The following PPM1E variants were observed in gnomAD, a reference collection of about 807,000 sequenced individuals.
The protein encoded by PPM1E is protein phosphatase 1E.
PPM1E carries 20 observed loss-of-function variants against 65.9 expected under a neutral mutation model. That is an observed-to-expected ratio of 0.30 (90% CI 0.21 to 0.44). PPM1E has a LOEUF of 0.44. Ranked by LOEUF, PPM1E falls within the 20% of genes least tolerant of loss-of-function variation. The pLI, the probability that PPM1E is intolerant of heterozygous loss-of-function variation, is 1.00. For missense variants in PPM1E, 713 were observed against 953.1 expected, an observed-to-expected ratio of 0.75 and a Z score of 3.32; for synonymous variants, 352 against 374.9, an observed-to-expected ratio of 0.94 and a Z score of 0.70.
Position 58,965,711 on chromosome 17 carries a change from T to C in PPM1E, c.601T>C (p.Leu201=). ...TTTCACAGAGATTGAGACAGTGAAA[T>C]TGGCCCGTTCTGTCTTCAGCAAACT... ...EGTVEIETVK[L]ARSVFSKLHE... The change falls in exon 3 of 7, where the codon TTG becomes CTG. Residue 201 remains leucine (L), a synonymous_variant. Transcript: ENST00000308249. 1.9e-6 allele frequency: 3 copies of C among 1,614,022 alleles called. No individual in the cohort carries two copies. The highest frequency in any genetic ancestry group is 2.5e-6 in the Non-Finnish European group (3 of 1,179,932).
intron 1 of PPM1E, among the ~76,000 whole-genome samples, chr17:58,947,840 G>T (rs1269767502): frequency 1.3e-5 from 2 of 152,216 alleles, no homozygotes; most frequent in East Asian, 1.9e-4. Context: ...TCCAACTGGG[G>T]TCTCTGTTGG....
chr17:58,949,905 T>A (rs986280512), intron 1 of PPM1E, among the ~76,000 whole-genome samples: 1 of 152,240 alleles, frequency 6.6e-6, no homozygotes, highest in Non-Finnish European at 1.5e-5. Flanking sequence ...CTGAGTTTTT[T>A]TTCTTTCTGT....
At chr17:58,972,478 G>C (rs1022218693) in intron 5 of PPM1E, among the ~76,000 whole-genome samples, 3 of 152,048 alleles carry the variant, frequency 2.0e-5, no homozygotes, top group African/African-American at 4.8e-5. Context: ...AGCCTCCCGA[G>C]TAGCTGGGAT....
At chr17:58,971,047 A>G (rs114349665) in intron 4 of PPM1E, among the ~76,000 whole-genome samples, 2,941 of 151,910 alleles carry the variant, frequency 0.019, 90 homozygotes, top group African/African-American at 0.067. Flanking sequence ...AGTTCTGCCA[A>G]TAGTTCTGAA....
intron 1 of PPM1E, among the ~76,000 whole-genome samples, chr17:58,907,201 G>A (rs530598371): frequency 7.1e-4 from 107 of 151,770 alleles, no homozygotes; most frequent in South Asian, 1.5e-3. Flanking sequence ...AGCCAGGATC[G>A]CGCCACCGTA....
At chr17:58,886,631 ATTC>A (rs1286599979) in intron 1 of PPM1E, among the ~76,000 whole-genome samples, 40 of 152,330 alleles carry the variant, frequency 2.6e-4, no homozygotes, top group African/African-American at 9.6e-4. Flanking sequence ...TTAACTGAGG[ATTC>A]TTCTTCTCTG....
intron 1 of PPM1E, among the ~76,000 whole-genome samples, chr17:58,898,889 T>A (rs961557520): frequency 2.6e-5 from 4 of 151,962 alleles, no homozygotes; most frequent in Non-Finnish European, 5.9e-5. Flanking sequence ...ACCATCATTC[T>A]GAGCAAACTA....
At chr17:58,877,755 T>C (rs996514921) in intron 1 of PPM1E, among the ~76,000 whole-genome samples, 5 of 152,184 alleles carry the variant, frequency 3.3e-5, no homozygotes, top group African/African-American at 1.2e-4. Context: ...ATGGATACAT[T>C]AAAATTGGCT....
Position 58,978,605 on chromosome 17 carries a change from G to A in PPM1E, c.1211-1369G>A, listed in dbSNP as rs374115843. Among the ~76,000 whole-genome samples, 172 of 152,254 alleles carry A rather than the reference G, an allele frequency of 1.1e-3. 4 individuals carry two copies. The South Asian group carries it at 0.032, about 28-fold the overall frequency. ...GTACGCCTGTAATCCCAGCTACTCC[G>A]GAGGCGGAGGCAGGAGAATTGCTGG... On this transcript the variant is annotated intron_variant, in intron 6 of 6. Transcript: ENST00000308249.
intron 1 of PPM1E, among the ~76,000 whole-genome samples, chr17:58,940,127 A>G (rs2052044506): frequency 6.6e-6 from 1 of 152,202 alleles, no homozygotes; most frequent in African/African-American, 2.4e-5. Flanking sequence ...AACTTTCTGT[A>G]TCAGGATCTT....
At chr17:58,824,773 A>ATTTTTTTT (rs35598764) in intron 1 of PPM1E, among the ~76,000 whole-genome samples, 1 of 132,430 alleles carries the variant, frequency 7.6e-6, no homozygotes, top group Non-Finnish European at 1.6e-5. Flanking sequence ...TATTTTTTGT[A>ATTTTTTTT]TTTTTTTTTT....
At chr17:58,930,323 A>G (rs2051878513) in intron 1 of PPM1E, among the ~76,000 whole-genome samples, 1 of 151,654 alleles carries the variant, frequency 6.6e-6, no homozygotes, top group South Asian at 2.1e-4. Flanking sequence ...AATTAGCTGG[A>G]TGTGGTTGCA....
intron 1 of PPM1E, among the ~76,000 whole-genome samples, chr17:58,894,364 A>G (rs1302064288): frequency 5.9e-5 from 9 of 152,198 alleles, no homozygotes; most frequent in Non-Finnish European, 1.0e-4. Flanking sequence ...TTACCATTTT[A>G]TCAAGAATAT....
At chr17:58,827,135 CTT>C (rs34789176) in intron 1 of PPM1E, among the ~76,000 whole-genome samples, 18,976 of 104,338 alleles carry the variant, frequency 0.18, 1,014 homozygotes, top group Non-Finnish European at 0.21. Context: ...AGTCCATGAT[CTT>C]TTTTTTTTTT....
At chr17:58,830,225 GT>G (rs2050586654) in intron 1 of PPM1E, among the ~76,000 whole-genome samples, 2 of 152,052 alleles carry the variant, frequency 1.3e-5, no homozygotes, top group South Asian at 4.1e-4. Context: ...TTAGAAAATT[GT>G]TTTCCCACAG....
At chr17:58,973,174 T>C (rs1411850275) in intron 6 of PPM1E, among the ~76,000 whole-genome samples, 1 of 152,078 alleles carries the variant, frequency 6.6e-6, no homozygotes, top group Non-Finnish European at 1.5e-5. Context: ...TCCCAACACT[T>C]TGGGAGGCCG....
intron 1 of PPM1E, among the ~76,000 whole-genome samples, chr17:58,950,925 C>A (rs1349271889): frequency 6.6e-6 from 1 of 151,778 alleles, no homozygotes; most frequent in Non-Finnish European, 1.5e-5. Flanking sequence ...ACTACAGGCG[C>A]CCGCCACCAT....
intron 1 of PPM1E, among the ~76,000 whole-genome samples, chr17:58,820,596 T>C (rs533836662): frequency 6.6e-6 from 1 of 152,318 alleles, no homozygotes; most frequent in African/African-American, 2.4e-5. Flanking sequence ...ATAGGAGATA[T>C]GTGTATAAAT....
intron 4 of PPM1E, among the ~76,000 whole-genome samples, chr17:58,971,429 G>A (rs2030613377): frequency 1.3e-5 from 2 of 152,186 alleles, no homozygotes; most frequent in South Asian, 4.1e-4. Context: ...AAATGGGGAT[G>A]TCATTTTCGT....
Sources: gnomAD v4.1 joint callset for allele counts (sites outside exome capture counted in the v4.1 genomes callset) on GRCh38, gnomAD v4.1.1 for gene constraint, MANE v1.5 for transcripts, NCBI Gene and HGNC (gene_info 2026-07-23, HGNC 2026-07-21) for gene names.